HORMAD2: variants seen among roughly 807,000 people sequenced by gnomAD.
HORMAD2 encodes HORMA domain containing 2, also known as HORMA domain-containing protein 2.
In HORMAD2, 45 loss-of-function variants were observed where a neutral mutation model predicts 38.8. The ratio of observed to expected loss-of-function variants is 1.16; its 90% confidence interval spans 0.91 to 1.49. The LOEUF (loss-of-function observed/expected upper bound fraction) is 1.49. HORMAD2 is among the 40% of genes most tolerant of loss of function. The probability of loss-of-function intolerance (pLI) is 0.00; values close to 1 mark genes in which losing one functional copy is unlikely to be tolerated. For synonymous variants in HORMAD2, 126 were observed against 122.8 expected (o/e 1.03, Z -0.17); for missense variants, 338 against 367.0 (o/e 0.92, Z 0.65).
the HORMAD2 span, chr22:30,206,989 T>G: frequency 8.8e-6 from 4 of 455,456 alleles, no homozygotes; most frequent in East Asian, 2.9e-4. Context: ...AATTAGGGAC[T>G]TCGGCAGAGA....
At chr22:30,196,385 A>G in the HORMAD2 span, among the ~76,000 whole-genome samples, 1 of 152,042 alleles carries the variant, frequency 6.6e-6, no homozygotes, top group African/African-American at 2.4e-5. Context: ...GTCAGACAGC[A>G]TTGTGTTGGG....
chr22:30,095,245 T>G lies in HORMAD2; in HGVS notation c.51+1242T>G, dbSNP rs2068761649. Among the ~76,000 whole-genome samples the G allele has an allele frequency of 2.6e-5, 4 of 152,162 alleles. No individual in the cohort carries two copies. In the South Asian group the frequency reaches 8.3e-4, roughly 32 times the overall value. ...TAAATCAAATATTTTGTCAGAAAAA[T>G]TAAAACTTTAGTGCCTTTTAGTTTA... On this transcript the variant is annotated intron_variant, in intron 2 of 10. Coordinates refer to ENST00000336726, the MANE Select transcript of HORMAD2 (RefSeq NM_152510.4).
chr22:30,163,820 C>T (rs574634261), intron 10 of HORMAD2, among the ~76,000 whole-genome samples: 17 of 152,052 alleles, frequency 1.1e-4, no homozygotes, highest in Non-Finnish European at 1.6e-4. Flanking sequence ...GCCATTTTAA[C>T]GATTTTTAAG....
At chr22:30,114,238 A>G (rs932195094) in intron 7 of HORMAD2, among the ~76,000 whole-genome samples, 1 of 152,230 alleles carries the variant, frequency 6.6e-6, no homozygotes, top group Non-Finnish European at 1.5e-5. Context: ...GAATGTTTAC[A>G]GAGTGTTCCC....
Position 30,176,859 on chromosome 22 carries a change from T to C in HORMAD2, c.*692T>C, listed in dbSNP as rs767893792. 1 of 152,788 alleles carries C rather than the reference T, an allele frequency of 6.5e-6. No individual in the cohort carries two copies. The highest frequency in any genetic ancestry group is 1.5e-5 in the Non-Finnish European group (1 of 68,032). The allele number at this position is 152,788 out of a possible 1,614,324, so 9.5% of individuals were successfully genotyped here. On this transcript the variant is annotated 3_prime_UTR_variant, in exon 11 of 11. Coordinates refer to ENST00000336726, the MANE Select transcript of HORMAD2 (RefSeq NM_152510.4). ...AGTCTGTAACCTGCAAATGATGCTATTAGTTCCCTCCTTATTCTGGAAGAA... is the reference window on the plus strand; with the variant it reads ...AGTCTGTAACCTGCAAATGATGCTACTAGTTCCCTCCTTATTCTGGAAGAA...
At position 30,125,019 on chromosome 22, in the gene HORMAD2, T is replaced by C. The variant is rs111681370; in HGVS notation, c.819+2805T>C. Among the ~76,000 whole-genome samples, 711 of 152,212 alleles carry C rather than the reference T, an allele frequency of 4.7e-3. 7 individuals are homozygous for C. Among genetic ancestry groups the C allele is most frequent in the African/African-American group, 0.016 (667 of 41,510 alleles). On this transcript the variant is annotated intron_variant, in intron 10 of 10. Coordinates refer to ENST00000336726, the MANE Select transcript of HORMAD2 (RefSeq NM_152510.4). The stretch of plus-strand genomic sequence containing the variant: ...ATTTCTCTGATTATTTGTGTGTTTG[T>C]GCATCTTTTCTTTGGCCATCCTATT...
chr22:30,166,942 G>C (rs779739599), intron 10 of HORMAD2, among the ~76,000 whole-genome samples: 2 of 152,204 alleles, frequency 1.3e-5, no homozygotes, highest in Non-Finnish European at 2.9e-5. Flanking sequence ...TGGAGGATTA[G>C]CTCCCTTGGT....
the HORMAD2 span, among the ~76,000 whole-genome samples, chr22:30,190,670 T>C: frequency 6.6e-6 from 1 of 152,198 alleles, no homozygotes; most frequent in Non-Finnish European, 1.5e-5. Flanking sequence ...CTTTGGAAAC[T>C]GTGAAAGTGG....
intron 10 of HORMAD2, among the ~76,000 whole-genome samples, chr22:30,127,238 T>C (rs1376695881): frequency 3.7e-5 from 5 of 135,140 alleles, no homozygotes; most frequent in East Asian, 2.4e-4. Context: ...AGACGGAGTC[T>C]CGCTCTGTCG....
intron 10 of HORMAD2, among the ~76,000 whole-genome samples, chr22:30,133,262 A>G (rs1923410685): frequency 6.6e-6 from 1 of 152,098 alleles, no homozygotes; most frequent in South Asian, 2.1e-4. Flanking sequence ...CTGTTGGTAC[A>G]CACATGAGAT....
chr22:30,193,320 T>A, the HORMAD2 span, among the ~76,000 whole-genome samples: 1 of 152,162 alleles, frequency 6.6e-6, no homozygotes, highest in South Asian at 2.1e-4. Context: ...TCCCCCAATA[T>A]GTGTCAGGTA....
intron 5 of HORMAD2, among the ~76,000 whole-genome samples, chr22:30,109,029 TTTC>T (rs1197607372): frequency 6.7e-6 from 1 of 150,348 alleles, no homozygotes; most frequent in Non-Finnish European, 1.5e-5. Flanking sequence ...CCTTCCTTCC[TTTC>T]TTCTTTTTTT....
chr22:30,088,124 C>CACACAT (rs1491190235), intron 1 of HORMAD2, among the ~76,000 whole-genome samples: 4,183 of 144,700 alleles, frequency 0.029, 89 homozygotes, highest in Non-Finnish European at 0.042. Flanking sequence ...TATACACACA[C>CACACAT]GTACACATGT....
At chr22:30,137,366 C>T (rs2069859002) in intron 10 of HORMAD2, 2 of 490,578 alleles carry the variant, frequency 4.1e-6, no homozygotes, top group Non-Finnish European at 4.0e-6. Flanking sequence ...GGTGCTTTCA[C>T]ATCATACCAA....
intron 1 of HORMAD2, among the ~76,000 whole-genome samples, chr22:30,088,296 T>C (rs1269339292): frequency 6.6e-6 from 1 of 150,820 alleles, no homozygotes; most frequent in East Asian, 1.9e-4. Context: ...TACATATATA[T>C]ACACATATAT....
At chr22:30,186,236 T>A in the HORMAD2 span, among the ~76,000 whole-genome samples, 1 of 152,122 alleles carries the variant, frequency 6.6e-6, no homozygotes, top group Non-Finnish European at 1.5e-5. Flanking sequence ...GTTTCCTTTT[T>A]CTAGAATATT....
At chr22:30,198,194 A>G in the HORMAD2 span, among the ~76,000 whole-genome samples, 1 of 152,186 alleles carries the variant, frequency 6.6e-6, no homozygotes, top group African/African-American at 2.4e-5. Context: ...AAATAGGAAG[A>G]GTCAAGGATG....
At chr22:30,104,540 T>A (rs1921045340) in intron 5 of HORMAD2, 103 bp downstream of exon 5, 2 of 867,810 alleles carry the variant, frequency 2.3e-6, no homozygotes, top group Non-Finnish European at 3.6e-6. Context: ...ACAGTATAAG[T>A]GTCTACGTTT....
chr22:30,124,253 T>C (rs1374052040), intron 10 of HORMAD2, among the ~76,000 whole-genome samples: 3 of 104,308 alleles, frequency 2.9e-5, no homozygotes, highest in East Asian at 3.1e-4. Context: ...ATGGAATACA[T>C]GGAACACACA....
Sources: gnomAD v4.1 joint callset for allele counts (sites outside exome capture counted in the v4.1 genomes callset) on GRCh38, gnomAD v4.1.1 for gene constraint, MANE v1.5 for transcripts, NCBI Gene and HGNC (gene_info 2026-07-23, HGNC 2026-07-21) for gene names.